Variants in RBFOX1 observed in about 807,000 individuals in gnomAD.
The protein encoded by RBFOX1 is RNA binding protein fox-1 homolog 1.
Under a neutral mutation model 57.7 loss-of-function variants are expected in RBFOX1, and 8 were observed. The observed-to-expected ratio is 0.14, with a 90% CI of 0.08 to 0.25. The LOEUF (loss-of-function observed/expected upper bound fraction) is 0.25. Among genes scored for constraint, RBFOX1 ranks in the 10% least tolerant of loss-of-function variants. RBFOX1 has a pLI of 1.00. For missense variants in RBFOX1, 611 were observed against 548.5 expected (o/e 1.11, Z -1.14); for synonymous variants, 326 against 222.4 (o/e 1.47, Z -4.15).
intron 4 of RBFOX1, among the ~76,000 whole-genome samples, chr16:5,987,642 G>C (rs771073421): frequency 3.9e-5 from 6 of 152,144 alleles, no homozygotes; most frequent in Admixed American, 6.5e-5. Context: ...GTTCGAGGCT[G>C]TAGGGCACTA....
chr16:7,423,264 T>C (rs1359540999), intron 4 of RBFOX1, among the ~76,000 whole-genome samples: 1 of 152,146 alleles, frequency 6.6e-6, no homozygotes. Flanking sequence ...AGCTGCTGTG[T>C]GGAAAAGTAG....
At chr16:7,376,013 T>C (rs958407548) in intron 4 of RBFOX1, among the ~76,000 whole-genome samples, 4 of 152,212 alleles carry the variant, frequency 2.6e-5, no homozygotes, top group Non-Finnish European at 4.4e-5. Flanking sequence ...TGGGATCTTT[T>C]ACCAGACACT....
intron 3 of RBFOX1, among the ~76,000 whole-genome samples, chr16:6,751,918 C>T (rs978634386): frequency 2.0e-5 from 3 of 152,118 alleles, no homozygotes; most frequent in East Asian, 1.9e-4. Context: ...GGGGTGCCAG[C>T]GTGAGTCCAG....
intron 1 of RBFOX1, among the ~76,000 whole-genome samples, chr16:5,284,756 ATTTTTTTTTTTT>A (rs1166998032): frequency 1.6e-5 from 1 of 61,032 alleles, no homozygotes; most frequent in Admixed American, 2.3e-4. Flanking sequence ...TTTGGCTTAG[ATTTTTTTTTTTT>A]TTTTTTTTTT....
intron 3 of RBFOX1, among the ~76,000 whole-genome samples, chr16:6,739,966 A>C (rs1444239603): frequency 3.9e-5 from 6 of 152,204 alleles, no homozygotes; most frequent in Admixed American, 1.3e-4. Context: ...GTAACAAAAG[A>C]AACAAGAAAA....
chr16:5,365,945 G>T (rs898898796), intron 1 of RBFOX1: 6 of 494,266 alleles, frequency 1.2e-5, no homozygotes, highest in African/African-American at 5.8e-5. Context: ...TCAGTTTAGG[G>T]GCTGGTGTGA....
chr16:7,121,800 T>G (rs2067242214), intron 4 of RBFOX1, among the ~76,000 whole-genome samples: 1 of 151,934 alleles, frequency 6.6e-6, no homozygotes, highest in Non-Finnish European at 1.5e-5. Context: ...CCTATAGAAG[T>G]AAAGATAGTG....
chr16:5,851,339 C>T (rs1337025707), intron 3 of RBFOX1, among the ~76,000 whole-genome samples: 1 of 152,192 alleles, frequency 6.6e-6, no homozygotes, highest in East Asian at 1.9e-4. Flanking sequence ...GCAAAGGCCA[C>T]ACTGGAGGTT....
At chr16:7,461,667 T>A (rs2059609462) in intron 4 of RBFOX1, among the ~76,000 whole-genome samples, 1 of 152,172 alleles carries the variant, frequency 6.6e-6, no homozygotes, top group Non-Finnish European at 1.5e-5. Context: ...AACAACCCCA[T>A]TCACTGGGTT....
intron 2 of RBFOX1, among the ~76,000 whole-genome samples, chr16:5,566,978 G>A (rs965750800): frequency 2.0e-5 from 3 of 152,102 alleles, no homozygotes; most frequent in African/African-American, 7.2e-5. Context: ...TCACCGGCTG[G>A]GAGTCCAAAT....
intron 2 of RBFOX1, among the ~76,000 whole-genome samples, chr16:5,493,356 G>A (rs190800995): frequency 6.6e-6 from 1 of 152,118 alleles, no homozygotes; most frequent in East Asian, 1.9e-4. Context: ...CACCATGCTT[G>A]TCTGTTGCCC....
intron 4 of RBFOX1, among the ~76,000 whole-genome samples, chr16:7,434,491 TAAAAA>T (rs2098706910): frequency 6.7e-6 from 1 of 149,040 alleles, no homozygotes; most frequent in Admixed American, 6.8e-5. Flanking sequence ...AATAAATAAA[TAAAAA>T]TAAAAATAAA....
At chr16:6,034,901 A>G (rs997065286) in intron 1 of RBFOX1, among the ~76,000 whole-genome samples, 1 of 150,344 alleles carries the variant, frequency 6.7e-6, no homozygotes, top group Non-Finnish European at 1.5e-5. Flanking sequence ...TCAGCTCAGG[A>G]GTCACACTCA....
At chr16:6,352,875 C>A (rs1009653143) in intron 2 of RBFOX1, among the ~76,000 whole-genome samples, 1 of 152,134 alleles carries the variant, frequency 6.6e-6, no homozygotes, top group Non-Finnish European at 1.5e-5. Flanking sequence ...GCAAACACAA[C>A]ATGCATCACA....
In RBFOX1 at chr16:5,816,985, TTC is replaced by T. The variant is rs138251335; in HGVS notation, c.319-50316_319-50315del. Among the ~76,000 whole-genome samples, 686 of 152,344 alleles carry T rather than the reference TTC, an allele frequency of 4.5e-3. 3 individuals carry two copies. Among genetic ancestry groups the T allele is most frequent in the African/African-American group, 0.016 (657 of 41,572 alleles). On this transcript the variant is annotated intron_variant, in intron 3 of 19. Coordinates refer to the RBFOX1 transcript ENST00000641259. ...TTTGGGATCCAAACAAAAATATTTC[TTC>T]TGTCAGTCTCTCCTCTCATGCAAAT...
At chr16:7,237,129 C>T (rs565513751) in intron 4 of RBFOX1, among the ~76,000 whole-genome samples, 1 of 152,312 alleles carries the variant, frequency 6.6e-6, no homozygotes, top group South Asian at 2.1e-4. Flanking sequence ...GGCTGCAATA[C>T]AGCCGCCAAC....
intron 4 of RBFOX1, among the ~76,000 whole-genome samples, chr16:5,904,200 C>T (rs766454680): frequency 4.6e-5 from 7 of 152,036 alleles, no homozygotes; most frequent in African/African-American, 1.2e-4. Flanking sequence ...AGATCCTGCC[C>T]GCTCATCTCG....
At chr16:6,412,129 T>C (rs2093476328) in intron 2 of RBFOX1, among the ~76,000 whole-genome samples, 1 of 100,050 alleles carries the variant, frequency 1.0e-5, no homozygotes, top group African/African-American at 4.0e-5. Context: ...CAAGACTCCA[T>C]GTAAAAAAAA....
intron 10 of RBFOX1, among the ~76,000 whole-genome samples, chr16:7,619,858 T>C (rs1201866687): frequency 1.3e-5 from 2 of 152,162 alleles, no homozygotes; most frequent in Non-Finnish European, 2.9e-5. Flanking sequence ...TTGGAGGAGC[T>C]GTGTCTCAAT....
Sources: gnomAD v4.1 joint callset for allele counts (sites outside exome capture counted in the v4.1 genomes callset) on GRCh38, gnomAD v4.1.1 for gene constraint, MANE v1.5 for transcripts, NCBI Gene and HGNC (gene_info 2026-07-23, HGNC 2026-07-21) for gene names.